CAMKK1: variants seen among roughly 807,000 people sequenced by gnomAD.
The protein encoded by CAMKK1 is calcium/calmodulin dependent protein kinase kinase 1, also known as calcium/calmodulin-dependent protein kinase kinase 1.
Under a neutral mutation model 63.5 loss-of-function variants are expected in CAMKK1, and 20 were observed. That is an observed-to-expected ratio of 0.32 (90% confidence interval 0.22 to 0.46). The LOEUF is 0.46. CAMKK1 is among the 20% of genes least tolerant of loss of function. CAMKK1 has a pLI of 1.00. For synonymous variants in CAMKK1, 253 were observed against 269.0 expected, an observed-to-expected ratio of 0.94 and a Z score of 0.58; for missense variants, 588 against 658.1, an observed-to-expected ratio of 0.89 and a Z score of 1.17.
rs144542189 is a variant in CAMKK1 at position 3,866,888 on chromosome 17, T to C, written c.1342-877A>G. Among the ~76,000 whole-genome samples, 141 of 152,152 alleles carry C rather than the reference T, an allele frequency of 9.3e-4. 1 individual carries two copies. Among genetic ancestry groups the C allele is most frequent in the African/African-American group, 3.1e-3 (130 of 41,496 alleles). The stretch of plus-strand genomic sequence containing the variant: ...GCGTCCACCACCACACCCGGCTAAT[T>C]TTTTGTATTTTTAGAAGAGACGGGG... On this transcript the variant is annotated intron_variant, in intron 14 of 15. Transcript: ENST00000348335.
intron 9 of CAMKK1, 111 bp downstream of exon 9, chr17:3,880,235 G>T: frequency 8.4e-6 from 7 of 838,184 alleles, no homozygotes; most frequent in Non-Finnish European, 1.3e-5. Context: ...GAAGCTGATT[G>T]GCAGGTCAGC....
At chr17:3,863,454 C>T (rs780285246) in intron 15 of CAMKK1, among the ~76,000 whole-genome samples, 8 of 152,164 alleles carry the variant, frequency 5.3e-5, no homozygotes, top group African/African-American at 9.7e-5. Flanking sequence ...GTTGAGTTTG[C>T]GCCACTGCAC....
intron 10 of CAMKK1, 28 bp downstream of exon 10, chr17:3,876,195 C>G: frequency 6.2e-7 from 1 of 1,603,168 alleles, no homozygotes; most frequent in South Asian, 1.1e-5. Context: ...CACTTGAACC[C>G]CAGCCTGGCC....
rs1369557569 is a variant in CAMKK1 at position 3,883,434 on chromosome 17, A to G, written c.509T>C (p.Phe170Ser). 6.2e-7 allele frequency: 1 copy of G among 1,613,586 alleles called. No homozygotes were observed. Among genetic ancestry groups the G allele is most frequent in the Non-Finnish European group, 8.5e-7 (1 of 1,179,618 alleles). Residue 170 changes from phenylalanine to serine, a missense_variant, in exon 5 of 16, where the codon TTT (phenylalanine) becomes TCT (serine). Physicochemically the swap from Phe to Ser is radical, Grantham distance 155. This residue lies in a region of CAMKK1 where 357 missense variants were observed against 407.4 expected (regional missense o/e 0.88). Transcript: ENST00000348335. This position sits in a 1 kb window ranked among gnomAD's most constrained non-coding sequence, Gnocchi z 4.7. ...CAGGATCAGAAGATACATACGTGGAAAGCCATACTGCTTCAGTAACTTCTT... is the reference window on the plus strand; with the variant it reads ...CAGGATCAGAAGATACATACGTGGAGAGCCATACTGCTTCAGTAACTTCTT... Reference protein sequence around the residue: ...SKKKLLKQYGFPRRPPPRGSQ... With the variant: ...SKKKLLKQYGSPRRPPPRGSQ...
chr17:3,871,339 T>G (rs1455758845), intron 12 of CAMKK1, among the ~76,000 whole-genome samples: 8 of 79,746 alleles, frequency 1.0e-4, no homozygotes, highest in East Asian at 4.9e-4. Flanking sequence ...TTTTGTTTTT[T>G]TTTTTTTGTT....
rs763690343 is a variant in CAMKK1, at chr17:3,873,492, C to T, written c.997-30G>A. 5 of 1,612,588 alleles carry T rather than the reference C, an allele frequency of 3.1e-6. No homozygotes were observed. In the South Asian group the frequency reaches 3.3e-5, roughly 11 times the overall value. The stretch of plus-strand genomic sequence containing the variant: ...AAAGAAACATGCTCACATCAGTCCC[C>T]AACAGGCACAGCCACCTCTGCCCAC... On this transcript the variant is annotated intron_variant, in intron 10 of 15. Transcript: ENST00000348335.
At chr17:3,873,584 C>A (rs2055000413) in intron 10 of CAMKK1, 122 bp from the exon 11 acceptor site, 2 of 938,112 alleles carry the variant, frequency 2.1e-6, no homozygotes, top group Middle Eastern at 2.2e-4. Context: ...ACTCACTCGA[C>A]AAACACTCCG....
intron 12 of CAMKK1, among the ~76,000 whole-genome samples, chr17:3,870,213 C>A (rs369972791): frequency 3.9e-4 from 59 of 152,246 alleles, no homozygotes; most frequent in African/African-American, 1.3e-3. Context: ...AAGATCCTCT[C>A]TCATTTGACA....
intron 14 of CAMKK1, among the ~76,000 whole-genome samples, chr17:3,868,434 AACTGATACGTGGGC>A (rs1476156215): frequency 8.5e-6 from 1 of 117,498 alleles, no homozygotes; most frequent in Non-Finnish European, 2.0e-5. Flanking sequence ...GGTGCTGCCT[AACTGATACGTGGGC>A]TCTGGGGGAG....
chr17:3,880,096 C>G, intron 9 of CAMKK1: 1 of 526,204 alleles, frequency 1.9e-6, no homozygotes, highest in Non-Finnish European at 3.4e-6. Flanking sequence ...AGATACAGAA[C>G]AGCCAGGACT....
rs201552524 is a variant in CAMKK1 at position 3,882,233 on chromosome 17, A to C, written c.685+295T>G. Reference sequence around the variant, plus strand: ...ACAGAGCTACAGTGTCTGGGAACCCATGCAGCCTGCTTCCTGCATCTACCT... The same window carrying C: ...ACAGAGCTACAGTGTCTGGGAACCCCTGCAGCCTGCTTCCTGCATCTACCT... On this transcript the variant is annotated intron_variant, in intron 7 of 15. Coordinates refer to ENST00000348335, the MANE Select transcript of CAMKK1 (RefSeq NM_032294.3). This position sits in a 1 kb window ranked among gnomAD's most constrained non-coding sequence, Gnocchi z 4.3. 38 of 1,552,266 alleles carry C rather than the reference A, an allele frequency of 2.4e-5. No individual in the cohort carries two copies. The highest frequency in any genetic ancestry group is 3.3e-5 in the Non-Finnish European group (37 of 1,130,210).
At chr17:3,888,340 C>CG in intron 1 of CAMKK1, among the ~76,000 whole-genome samples, 1 of 152,200 alleles carries the variant, frequency 6.6e-6, no homozygotes, top group African/African-American at 2.4e-5. Context: ...GGGATGGGCC[C>CG]GGGGTCACCC....
chr17:3,870,097 G>A (rs1265774266), intron 12 of CAMKK1, among the ~76,000 whole-genome samples: 6 of 152,190 alleles, frequency 3.9e-5, no homozygotes, highest in Non-Finnish European at 8.8e-5. Context: ...AGTTCCATGG[G>A]TGCTGGACAC....
chr17:3,872,290 G>A (rs553723995), intron 12 of CAMKK1, among the ~76,000 whole-genome samples: 4 of 152,326 alleles, frequency 2.6e-5, no homozygotes, highest in Admixed American at 6.5e-5. Flanking sequence ...GCAGGCCTGC[G>A]GTGAAGGAGT....
At chr17:3,871,347 GTTTTT>G (rs869219931) in intron 12 of CAMKK1, among the ~76,000 whole-genome samples, 7,102 of 104,512 alleles carry the variant, frequency 0.068, 313 homozygotes, top group East Asian at 0.23. Flanking sequence ...TTTTTTTTTT[GTTTTT>G]TTTTTTTTTT....
chr17:3,871,347 G>GTTTTTTTTTTTT (rs869219931), intron 12 of CAMKK1, among the ~76,000 whole-genome samples: 27 of 104,362 alleles, frequency 2.6e-4, no homozygotes, highest in African/African-American at 5.4e-4. Context: ...TTTTTTTTTT[G>GTTTTTTTTTTTT]TTTTTTTTTT....
At position 3,861,931 on chromosome 17, in the gene CAMKK1, A is replaced by G; in HGVS notation, c.*280T>C. On this transcript the variant is annotated 3_prime_UTR_variant, in exon 16 of 16. Transcript: ENST00000348335. ...AGCCGGGTGGCATTTCTGAGGCTCC[A>G]TGGGCACCCGGTTTCCCCACAGAAT... 2.2e-6 allele frequency: 1 copy of G among 451,674 alleles called. No individual in the cohort carries two copies. The highest frequency in any genetic ancestry group is 4.0e-6 in the Non-Finnish European group (1 of 248,172). The allele number at this position is 451,674 out of a possible 1,614,324, so 28.0% of individuals were successfully genotyped here. A position where few individuals can be genotyped will look rare whatever the true frequency, so the allele number is the denominator to read the frequency against.
At chr17:3,868,358 T>G (rs1480325540) in intron 14 of CAMKK1, among the ~76,000 whole-genome samples, 11 of 139,190 alleles carry the variant, frequency 7.9e-5, no homozygotes, top group Non-Finnish European at 1.4e-4. Flanking sequence ...ACTGCCTGAT[T>G]GATACGCGGG....
chr17:3,876,376 C>T lies in CAMKK1; in HGVS notation c.843G>A (p.Leu281=), dbSNP rs1320278813. ...TCACGTGCCCATCATCCCCCAGGAG[C>T]AGGTTGGATGGCTTGATGTCCCTGT... ...IVHRDIKPSN[L]LLGDDGHVKI... Residue 281 remains leucine, a synonymous_variant, in exon 10 of 16, where the codon CTG becomes CTA. Coordinates refer to ENST00000348335, the MANE Select transcript of CAMKK1 (RefSeq NM_032294.3). 1.9e-6 allele frequency: 3 copies of T among 1,614,114 alleles called. No individual in the cohort carries two copies. The highest frequency in any genetic ancestry group is 1.1e-5 in the South Asian group (1 of 91,090).
Sources: gnomAD v4.1 joint callset for allele counts (sites outside exome capture counted in the v4.1 genomes callset) on GRCh38, gnomAD v4.1.1 for gene constraint, gnomAD v4.1.1 regional missense constraint, Gnocchi (gnomAD v3.1) non-coding constraint, MANE v1.5 for transcripts, NCBI Gene and HGNC (gene_info 2026-07-23, HGNC 2026-07-21) for gene names.